The following DMD variants were observed in gnomAD, a reference collection of about 807,000 sequenced individuals.
DMD encodes the protein dystrophin.
Under a neutral mutation model 330.1 loss-of-function variants are expected in DMD, and 63 were observed. The observed-to-expected ratio is 0.19, with a 90% CI of 0.16 to 0.24. DMD has a LOEUF of 0.24. Among genes scored for constraint, DMD ranks in the 10% least tolerant of loss-of-function variants. The pLI, the probability that DMD is intolerant of heterozygous loss-of-function variation, is 1.00. For missense variants in DMD, 3,344 were observed against 2,684.1 expected, an observed-to-expected ratio of 1.25 and a Z score of -5.43; for synonymous variants, 1,223 against 959.8, an observed-to-expected ratio of 1.27 and a Z score of -5.07.
rs60169449 is a variant in DMD, at chrX:31,861,946, TACACACACACAC to T, written c.7098+13230_7098+13241del. Among the ~76,000 whole-genome samples, 3 of 87,966 alleles carry T rather than the reference TACACACACACAC, an allele frequency of 3.4e-5. 1 individual carries two copies. Among genetic ancestry groups the T allele is most frequent in the Middle Eastern group, 0.011 (2 of 177 alleles). The allele number at this position is 87,966 out of a possible 115,157, so 76.4% of individuals were successfully genotyped here. ...AAGAGGACAAGAGTAGAAAATAATA[TACACACACACAC>T]ACACACACACACACACACCTACATC... On this transcript the variant is annotated intron_variant, in intron 48 of 78. Coordinates refer to ENST00000357033, the MANE Select transcript of DMD (RefSeq NM_004006.3).
At chrX:32,514,610 G>C (rs369790883) in intron 18 of DMD, among the ~76,000 whole-genome samples, 1 of 111,806 alleles carries the variant, frequency 8.9e-6, no homozygotes, top group Admixed American at 9.5e-5. Context: ...GTGTGGTGGC[G>C]GGCGCCTGTA....
chrX:32,110,264 C>T (rs1169673341), intron 44 of DMD, among the ~76,000 whole-genome samples: 1 of 111,348 alleles, frequency 9.0e-6, no homozygotes, highest in Non-Finnish European at 1.9e-5. Flanking sequence ...AAATCTTCCT[C>T]GATTTATCCT....
In DMD at chrX:32,879,059, G is replaced by A. The variant is rs1444179844; in HGVS notation, c.94-29239C>T. Among the ~76,000 whole-genome samples, 3 of 104,722 alleles carry A rather than the reference G, an allele frequency of 2.9e-5. No individual in the cohort carries two copies. The Admixed American group carries it at 3.0e-4, about 11-fold the overall frequency. The allele number at this position is 104,722 out of a possible 115,157, so 90.9% of individuals were successfully genotyped here. On this transcript the variant is annotated intron_variant, in intron 2 of 78. Transcript: ENST00000357033. ...AACAAAAAAAAAACAACTAATATTT[G>A]TATATTAATATAAACTCCTGAATCC...
chrX:31,239,267 G>A (rs748571811), intron 63 of DMD, among the ~76,000 whole-genome samples: 30 of 111,736 alleles, frequency 2.7e-4, no homozygotes, highest in Non-Finnish European at 5.1e-4. Flanking sequence ...ATGGTTACTG[G>A]GCAACCAGGA....
intron 13 of DMD, among the ~76,000 whole-genome samples, chrX:32,575,237 T>G (rs1333215437): frequency 9.0e-6 from 1 of 111,499 alleles, no homozygotes; most frequent in Non-Finnish European, 1.9e-5. Flanking sequence ...GAGTCACGTT[T>G]CTTAAATTGT....
chrX:32,496,251 A>G (rs954245558), intron 19 of DMD, among the ~76,000 whole-genome samples: 8 of 111,915 alleles, frequency 7.1e-5, no homozygotes, highest in African/African-American at 2.6e-4. Flanking sequence ...TTAAAAGAAT[A>G]TTTGGAATAG....
At chrX:31,295,695 G>A (rs893494945) in intron 62 of DMD, among the ~76,000 whole-genome samples, 1 of 112,060 alleles carries the variant, frequency 8.9e-6, no homozygotes, top group Non-Finnish European at 1.9e-5. Flanking sequence ...CATTACAGGC[G>A]TAGCCACCAC....
chrX:32,524,522 A>T (rs888517612), intron 17 of DMD, among the ~76,000 whole-genome samples: 83 of 112,155 alleles, frequency 7.4e-4, no homozygotes, highest in African/African-American at 2.6e-3. Flanking sequence ...TAAGAGGATA[A>T]TCAAAAAACA....
intron 12 of DMD, among the ~76,000 whole-genome samples, chrX:32,597,040 TCA>T (rs2055636339): frequency 8.9e-6 from 1 of 111,824 alleles, no homozygotes. Context: ...ATTCTCGCCC[TCA>T]CAGTGTTTCA....
chrX:33,203,877 G>A (rs2051418749), intron 1 of DMD, among the ~76,000 whole-genome samples: 1 of 111,111 alleles, frequency 9.0e-6, no homozygotes. Flanking sequence ...CCTTCCTGTT[G>A]TTCCAATTTC....
Position 32,614,437 on chromosome X carries a change from T to C in DMD, c.1348A>G (p.Met450Val), listed in dbSNP as rs750767440. 9.9e-6 allele frequency: 12 copies of C among 1,206,958 alleles called. No individual in the cohort carries two copies. The highest frequency in any genetic ancestry group is 1.2e-5 in the Non-Finnish European group (11 of 892,365). Reference sequence around the variant, plus strand: ...TTCAGTTTCTGATTCTGGAGATCCATTAAAACTCTATGTAAACTGAAAATT... The same window carrying C: ...TTCAGTTTCTGATTCTGGAGATCCACTAAAACTCTATGTAAACTGAAAATT... ...EKQSNLHRVL[M>V]DLQNQKLKEL... Residue 450 changes from methionine (M) to valine (V), a missense_variant, in exon 12 of 79, where the codon ATG (methionine) becomes GTG (valine). Physicochemically the swap from Met to Val is conservative, Grantham distance 21. Transcript: ENST00000357033.
chrX:31,937,374 T>G (rs2094936649), intron 45 of DMD, among the ~76,000 whole-genome samples: 1 of 111,880 alleles, frequency 8.9e-6, no homozygotes, highest in Admixed American at 9.6e-5. Context: ...CAGTAAAAGC[T>G]TTGGCTAAGC....
intron 1 of DMD, among the ~76,000 whole-genome samples, chrX:33,085,718 AG>A (rs964385015): frequency 2.7e-5 from 3 of 111,662 alleles, no homozygotes; most frequent in African/African-American, 6.5e-5. Flanking sequence ...TCTTACCAAT[AG>A]GCTGTCAGAT....
intron 48 of DMD, among the ~76,000 whole-genome samples, chrX:31,856,120 C>A (rs773696829): frequency 9.0e-6 from 1 of 111,624 alleles, no homozygotes. Context: ...AACAATCCAA[C>A]GGAAAATTGG....
At chrX:32,195,280 A>G (rs1422728076) in intron 44 of DMD, among the ~76,000 whole-genome samples, 2 of 111,128 alleles carry the variant, frequency 1.8e-5, no homozygotes, top group Admixed American at 9.7e-5. Flanking sequence ...GCGGCAGCCA[A>G]TGAATTGTGT....
At chrX:31,510,717 G>C (rs973829930) in intron 55 of DMD, among the ~76,000 whole-genome samples, 2 of 109,576 alleles carry the variant, frequency 1.8e-5, no homozygotes, top group Non-Finnish European at 1.9e-5. Flanking sequence ...CACCATGTTA[G>C]CCAGGATGGT....
At chrX:32,702,669 G>C (rs190009920) in intron 7 of DMD, among the ~76,000 whole-genome samples, 1 of 111,398 alleles carries the variant, frequency 9.0e-6, no homozygotes, top group East Asian at 2.8e-4. Context: ...AAACTTGAGA[G>C]AAATAGGAGG....
At chrX:32,412,820 G>A (rs1344825589) in intron 29 of DMD, among the ~76,000 whole-genome samples, 1 of 110,869 alleles carries the variant, frequency 9.0e-6, no homozygotes, top group Non-Finnish European at 1.9e-5. Flanking sequence ...GCATGACTGA[G>A]GTTTTAAGAT....
chrX:32,162,741 T>C (rs1290315623), intron 44 of DMD, among the ~76,000 whole-genome samples: 3 of 107,918 alleles, frequency 2.8e-5, no homozygotes, highest in Non-Finnish European at 3.8e-5. Context: ...CAGCTAACTT[T>C]TTTTTTTTTT....
Sources: allele counts gnomAD v4.1 joint callset (sites outside exome capture counted in the v4.1 genomes callset), GRCh38; gene constraint gnomAD v4.1.1; transcripts MANE v1.5; gene names NCBI Gene and HGNC (gene_info 2026-07-23, HGNC 2026-07-21).